Variants in USP14 observed in about 807,000 individuals in gnomAD.
USP14 encodes the protein ubiquitin carboxyl-terminal hydrolase 14.
USP14 carries 38 observed loss-of-function variants against 76.5 expected under a neutral mutation model. The ratio of observed to expected loss-of-function variants is 0.50; its 90% CI spans 0.38 to 0.65. The LOEUF (loss-of-function observed/expected upper bound fraction) is 0.65, where lower values mean the gene tolerates loss of function less well. Ranked by LOEUF, USP14 falls within the 30% of genes least tolerant of loss-of-function variation. The pLI is 0.00. For missense variants in USP14, 467 were observed against 586.5 expected, an observed-to-expected ratio of 0.80 and a Z score of 2.10; for synonymous variants, 192 against 191.7, an observed-to-expected ratio of 1.00 and a Z score of -0.01.
chr18:180,897 A>G (rs1909770643), intron 5 of USP14, among the ~76,000 whole-genome samples: 1 of 145,880 alleles, frequency 6.9e-6, no homozygotes, highest in Non-Finnish European at 1.5e-5. Context: ...TTCCTATTTT[A>G]TGGCTGAATA....
chr18:163,035 C>G (rs1909166743), intron 1 of USP14: 2 of 225,814 alleles, frequency 8.9e-6, no homozygotes, highest in Non-Finnish European at 1.7e-5. Flanking sequence ...CTCGACCTCC[C>G]AAAGTACTGG....
intron 9 of USP14, among the ~76,000 whole-genome samples, chr18:198,466 C>G (rs998513815): frequency 6.6e-6 from 1 of 152,140 alleles, no homozygotes; most frequent in African/African-American, 2.4e-5. Context: ...GAACTCCTGA[C>G]TTTAGTTGAT....
At chr18:176,309 A>G (rs1428875652) in intron 3 of USP14, among the ~76,000 whole-genome samples, 1 of 152,122 alleles carries the variant, frequency 6.6e-6, no homozygotes, top group African/African-American at 2.4e-5. Flanking sequence ...ACCCAGGCAA[A>G]TGGTGGTGAC....
chr18:166,831 C>T lies in USP14; in HGVS notation c.195+12C>T. ...TCAAAATAAAAAATGTAAGTATTAT[C>T]TTATGAACGTTTATTATAATGCAGT... On this transcript the variant is annotated intron_variant, in intron 3 of 15. Coordinates refer to ENST00000261601, the MANE Select transcript of USP14 (RefSeq NM_005151.4). 1 of 1,607,334 alleles carries T rather than the reference C, an allele frequency of 6.2e-7. No individual in the cohort carries two copies. Among genetic ancestry groups the T allele is most frequent in the South Asian group, 1.1e-5 (1 of 90,660 alleles).
chr18:194,340 A>T (rs553785969), intron 6 of USP14, among the ~76,000 whole-genome samples: 2 of 152,206 alleles, frequency 1.3e-5, no homozygotes, highest in African/African-American at 4.8e-5. Flanking sequence ...TTAGAATTTC[A>T]GCAGCTTCTG....
chr18:198,091 A>C lies in USP14; in HGVS notation c.720A>C (p.Lys240Asn). The change falls in exon 9 of 16, where the codon AAA becomes AAC. Residue 240 changes from lysine (K) to asparagine (N), a missense_variant. Lys to Asn is a moderately conservative substitution (Grantham distance 94, BLOSUM62 0). Transcript: ENST00000261601. Reference protein sequence around the residue: ...SASAATPSKKKSLIDQFFGVE... With the variant: ...SASAATPSKKNSLIDQFFGVE... Reference sequence around the variant, plus strand: ...CGGCAGCGACACCTTCTAAAAAGAAAAGTTTAATCGATCAGTTCTTCGGTG... The same window carrying C: ...CGGCAGCGACACCTTCTAAAAAGAACAGTTTAATCGATCAGTTCTTCGGTG... 1.2e-6 allele frequency: 2 copies of C among 1,610,848 alleles called. No individual in the cohort carries two copies. The highest frequency in any genetic ancestry group is 2.2e-5 in the South Asian group (2 of 90,538).
At position 202,800 on chromosome 18, in the gene USP14, A is replaced by G. The variant is rs914962015; in HGVS notation, c.877-80A>G. ...CTCTTAGGTAGTGCTAGTTTTTAAA[A>G]GGCTTACTGGTGTGATTCTATATTG... On this transcript the variant is annotated intron_variant, in intron 10 of 15. Transcript: ENST00000261601. 16 of 1,415,272 alleles carry G rather than the reference A, an allele frequency of 1.1e-5. No individual in the cohort carries two copies. The African/African-American group carries it at 2.1e-4, about 19-fold the overall frequency. The allele number at this position is 1,415,272 out of a possible 1,614,324, so 87.7% of individuals were successfully genotyped here.
chr18:169,217 C>A (rs7238132), intron 3 of USP14, among the ~76,000 whole-genome samples: 1 of 151,408 alleles, frequency 6.6e-6, no homozygotes, highest in African/African-American at 2.4e-5. Flanking sequence ...ATGGTGAAAC[C>A]CCGTCTCTAT....
chr18:187,089 T>G (rs1909952226), intron 5 of USP14, among the ~76,000 whole-genome samples: 1 of 152,198 alleles, frequency 6.6e-6, no homozygotes, highest in African/African-American at 2.4e-5. Context: ...ATGATAAATA[T>G]TTTTTGACTA....
chr18:166,232 G>T (rs1184721765), intron 2 of USP14, among the ~76,000 whole-genome samples: 5 of 152,092 alleles, frequency 3.3e-5, no homozygotes, highest in Admixed American at 1.3e-4. Context: ...TTTAGTATTT[G>T]ATGCTGTAAA....
intron 5 of USP14, among the ~76,000 whole-genome samples, chr18:180,892 A>G (rs113915721): frequency 6.9e-6 from 1 of 145,836 alleles, no homozygotes; most frequent in African/African-American, 2.5e-5. Context: ...CCTCATTCCT[A>G]TTTTATGGCT....
rs1198166211 is a variant in USP14, at chr18:196,619, G to A, written c.464-18G>A. 9.3e-6 allele frequency: 15 copies of A among 1,604,888 alleles called. No individual in the cohort carries two copies. The highest frequency in any genetic ancestry group is 1.3e-5 in the Non-Finnish European group (15 of 1,176,260). On this transcript the variant is annotated intron_variant, in intron 6 of 15. Transcript: ENST00000261601. ...TATGTGACTGTTTTACTAAGGCAAT[G>A]TTTGCTTTGTCTTTAAGCCCTTAGA... is the stretch of plus-strand genomic sequence containing the variant.
intron 5 of USP14, among the ~76,000 whole-genome samples, chr18:192,146 G>A (rs1910106857): frequency 6.6e-6 from 1 of 152,184 alleles, no homozygotes; most frequent in African/African-American, 2.4e-5. Flanking sequence ...GCTGAATGTA[G>A]GTGTATGATT....
At chr18:171,056 A>ATATATAT (rs1568416863) in intron 3 of USP14, among the ~76,000 whole-genome samples, 8 of 139,308 alleles carry the variant, frequency 5.7e-5, no homozygotes, top group African/African-American at 1.3e-4. Context: ...ATATATATAT[A>ATATATAT]AACTGAAGCT....
At chr18:193,979 A>G (rs1598275340) in intron 6 of USP14, among the ~76,000 whole-genome samples, 1 of 152,146 alleles carries the variant, frequency 6.6e-6, no homozygotes, top group South Asian at 2.1e-4. Flanking sequence ...TCATATGATT[A>G]CTATATTTAA....
intron 1 of USP14, among the ~76,000 whole-genome samples, chr18:162,377 A>T (rs1467843915): frequency 2.0e-5 from 3 of 152,214 alleles, no homozygotes; most frequent in Non-Finnish European, 4.4e-5. Flanking sequence ...GTTAAATTTT[A>T]AAAAGAATAG....
Position 204,704 on chromosome 18 carries a change from C to A in USP14, c.1164+12C>A. 6.2e-7 allele frequency: 1 copy of A among 1,608,772 alleles called. No individual in the cohort carries two copies. The highest frequency in any genetic ancestry group is 2.2e-5 in the East Asian group (1 of 44,710). On this transcript the variant is annotated intron_variant, in intron 13 of 15. Coordinates refer to ENST00000261601, the MANE Select transcript of USP14 (RefSeq NM_005151.4). ...AGCAGCCAAATACAGTAGGTTCTTA[C>A]TGCTGACTTTATACTCTTAATATCT...
At chr18:162,223 T>C (rs1326536409) in intron 1 of USP14, among the ~76,000 whole-genome samples, 1 of 152,220 alleles carries the variant, frequency 6.6e-6, no homozygotes, top group Non-Finnish European at 1.5e-5. Flanking sequence ...AATATCTGTT[T>C]GAGTCCTTGC....
At chr18:164,606 A>T (rs889701323) in intron 2 of USP14, among the ~76,000 whole-genome samples, 5 of 152,038 alleles carry the variant, frequency 3.3e-5, no homozygotes, top group Non-Finnish European at 7.4e-5. Flanking sequence ...GGTGTCTACC[A>T]CCATGCCCGG....
Sources: gnomAD v4.1 joint callset for allele counts (sites outside exome capture counted in the v4.1 genomes callset) on GRCh38, gnomAD v4.1.1 for gene constraint, MANE v1.5 for transcripts, NCBI Gene and HGNC (gene_info 2026-07-23, HGNC 2026-07-21) for gene names.